Variants in MTHFSD observed in about 807,000 individuals in gnomAD.
The protein encoded by MTHFSD is methenyltetrahydrofolate synthase domain-containing protein.
In MTHFSD, 37 loss-of-function variants were observed where a neutral mutation model predicts 31.1. The observed-to-expected ratio is 1.19, with a 90% CI of 0.91 to 1.56. The LOEUF (loss-of-function observed/expected upper bound fraction) is 1.56, where lower values mean the gene tolerates loss of function less well. Ranked by LOEUF, MTHFSD falls within the 40% of genes most tolerant of loss-of-function variation. MTHFSD has a pLI of 0.00. For missense variants in MTHFSD, 664 were observed against 510.1 expected (o/e 1.30, Z -2.91); for synonymous variants, 221 against 206.9 (o/e 1.07, Z -0.59).
rs1428279307 is a variant in MTHFSD at position 86,531,240 on chromosome 16, G to C, written c.*771C>G. On this transcript the variant is annotated 3_prime_UTR_variant, in exon 8 of 8. Coordinates refer to ENST00000360900, the MANE Select transcript of MTHFSD (RefSeq NM_001159377.2). This position sits in a 1 kb window ranked among gnomAD's most constrained non-coding sequence, Gnocchi z 5.5. ...AAACTCAAGCTGGTTTTTAGAAACA[G>C]AACTGGAGGAAAAAAACCCAGAAAA... 6.6e-6 allele frequency: 1 copy of C among 152,222 alleles called. No homozygotes were observed. The highest frequency in any genetic ancestry group is 1.5e-5 in the Non-Finnish European group (1 of 68,034). The allele number at this position is 152,222 out of a possible 1,614,324, so 9.4% of individuals were successfully genotyped here. A position where few individuals can be genotyped will look rare whatever the true frequency, so the allele number is the denominator to read the frequency against.
intron 7 of MTHFSD, among the ~76,000 whole-genome samples, chr16:86,539,861 T>A (rs1474398442): frequency 6.6e-6 from 1 of 152,054 alleles, no homozygotes; most frequent in African/African-American, 2.4e-5. Context: ...CATCAAGAGA[T>A]CTATAATGCA....
chr16:86,539,343 T>C (rs1971156936), intron 7 of MTHFSD, among the ~76,000 whole-genome samples: 1 of 152,190 alleles, frequency 6.6e-6, no homozygotes, highest in Non-Finnish European at 1.5e-5. Context: ...CTAAGAATTC[T>C]GCCAGCAGCA....
chr16:86,538,815 T>G (rs1490794215), intron 7 of MTHFSD, among the ~76,000 whole-genome samples: 1 of 152,150 alleles, frequency 6.6e-6, no homozygotes, highest in African/African-American at 2.4e-5. Flanking sequence ...CAGGGAGTCC[T>G]GGGTTTTCAG....
At position 86,541,982 on chromosome 16, in the gene MTHFSD, G is replaced by C. The variant is rs1597347526; in HGVS notation, c.555+119C>G. On this transcript the variant is annotated intron_variant, in intron 6 of 7. Transcript: ENST00000360900. ...TGTACCACTAGCAAGTCCAGCCCTG[G>C]CTGATCCACACCACTCGCCACACAG... The C allele has an allele frequency of 3.0e-6, 4 of 1,336,616 alleles. No individual in the cohort carries two copies. In the East Asian group the frequency reaches 9.4e-5, roughly 31 times the overall value. The allele number at this position is 1,336,616 out of a possible 1,614,324, so 82.8% of individuals were successfully genotyped here.
At position 86,532,453 on chromosome 16, in the gene MTHFSD, G is replaced by C; in HGVS notation, c.710C>G (p.Pro237Arg). 1 of 1,446,220 alleles carries C rather than the reference G, an allele frequency of 6.9e-7. No individual in the cohort carries two copies. The highest frequency in any genetic ancestry group is 9.1e-7 in the Non-Finnish European group (1 of 1,096,854). The allele number at this position is 1,446,220 out of a possible 1,614,324, so 89.6% of individuals were successfully genotyped here. A position where few individuals can be genotyped will look rare whatever the true frequency, so the allele number is the denominator to read the frequency against. Residue 237 changes from proline (P) to arginine (R), a missense_variant, in exon 8 of 8, where the codon CCC becomes CGC. Coordinates refer to ENST00000360900, the MANE Select transcript of MTHFSD (RefSeq NM_001159377.2). ...TCGGGCGCGGAGGCTCCTCAGTATG[G>C]GGATTTTCTCCATCATCTCCAGGCT... Reference protein sequence around the residue: ...KISLEMMEKIPILRSLRAREQ... With the variant: ...KISLEMMEKIRILRSLRAREQ...
intron 5 of MTHFSD, among the ~76,000 whole-genome samples, chr16:86,545,142 G>C (rs143351462): frequency 3.9e-5 from 6 of 152,084 alleles, no homozygotes; most frequent in African/African-American, 1.4e-4. Flanking sequence ...GGTAGGTGCA[G>C]CAAATCACCA....
rs974538164 is a variant in MTHFSD at position 86,551,911 on chromosome 16, T to C, written c.237+122A>G. The C allele has an allele frequency of 8.6e-6, 13 of 1,506,878 alleles. No homozygotes were observed. The African/African-American group carries it at 1.3e-4, about 15-fold the overall frequency. The allele number at this position is 1,506,878 out of a possible 1,614,324, so 93.3% of individuals were successfully genotyped here. On this transcript the variant is annotated intron_variant, in intron 3 of 7. Coordinates refer to ENST00000360900, the MANE Select transcript of MTHFSD (RefSeq NM_001159377.2). Reference sequence around the variant, plus strand: ...TCACCACCAAGGGCACTTTCTGTATTGGAGGGAATCGGAAGCACCGACTTT... The same window carrying C: ...TCACCACCAAGGGCACTTTCTGTATCGGAGGGAATCGGAAGCACCGACTTT...
chr16:86,549,985 G>A (rs946792361), intron 3 of MTHFSD, among the ~76,000 whole-genome samples: 10 of 152,244 alleles, frequency 6.6e-5, no homozygotes, highest in East Asian at 5.8e-4. Flanking sequence ...CCAGCACTGC[G>A]GACTGTCCGG....
chr16:86,532,162 A>G lies in MTHFSD; in HGVS notation c.1001T>C (p.Leu334Pro). 5 of 1,569,374 alleles carry G rather than the reference A, an allele frequency of 3.2e-6. No individual in the cohort carries two copies. The highest frequency in any genetic ancestry group is 4.3e-6 in the Non-Finnish European group (5 of 1,157,320). ...CCGCGGGCCCTGCCAGGTGAGCCGCAGGGGCACGGAGCCGAGTTCCCGCAG... is the reference window on the plus strand; with the variant it reads ...CCGCGGGCCCTGCCAGGTGAGCCGCGGGGGCACGGAGCCGAGTTCCCGCAG... The part of the protein sequence containing the change: ...RALRELGSVP[L>P]RLTWQGPRRR... The change falls in exon 8 of 8, where the codon CTG (leucine) becomes CCG (proline). Residue 334 changes from leucine (L) to proline (P), a missense_variant. Coordinates refer to ENST00000360900, the MANE Select transcript of MTHFSD (RefSeq NM_001159377.2).
intron 3 of MTHFSD, among the ~76,000 whole-genome samples, chr16:86,549,559 G>T (rs953920710): frequency 1.2e-4 from 18 of 152,156 alleles, no homozygotes; most frequent in African/African-American, 4.3e-4. Context: ...GGGCAGTGTT[G>T]GAGTCCTGTG....
chr16:86,541,069 A>T (rs1224611038), intron 7 of MTHFSD: 1 of 1,245,492 alleles, frequency 8.0e-7, no homozygotes, highest in Non-Finnish European at 1.0e-6. Flanking sequence ...AGTTTTGTCC[A>T]CACGAAGCAC....
chr16:86,549,711 C>T lies in MTHFSD; in HGVS notation c.238-1134G>A, dbSNP rs1456741741. 2.0e-5 allele frequency among the ~76,000 whole-genome samples: 3 copies of T among 152,276 alleles called. No individual in the cohort carries two copies. In the East Asian group the frequency reaches 5.8e-4, roughly 29 times the overall value. On this transcript the variant is annotated intron_variant, in intron 3 of 7. Coordinates refer to ENST00000360900, the MANE Select transcript of MTHFSD (RefSeq NM_001159377.2). ...TAGACCTCACTCCAGAGACTGGAACCTGGCATGGCCAACAGTCTTCAAACC... is the reference window on the plus strand; with the variant it reads ...TAGACCTCACTCCAGAGACTGGAACTTGGCATGGCCAACAGTCTTCAAACC...
chr16:86,540,612 G>C (rs916281416), intron 7 of MTHFSD: 1 of 937,870 alleles, frequency 1.1e-6, no homozygotes, highest in African/African-American at 1.8e-5. Flanking sequence ...CCCTGTTCTC[G>C]GCTCTGAGGA....
intron 7 of MTHFSD, among the ~76,000 whole-genome samples, chr16:86,538,313 G>C (rs76535634): frequency 0.031 from 4,758 of 152,308 alleles, 108 homozygotes; most frequent in Middle Eastern, 0.075. Context: ...GCAGAACAGA[G>C]CTTCCAGGGT....
At chr16:86,550,199 G>A (rs960945799) in intron 3 of MTHFSD, among the ~76,000 whole-genome samples, 2 of 152,248 alleles carry the variant, frequency 1.3e-5, no homozygotes, top group Non-Finnish European at 2.9e-5. Flanking sequence ...GTCCCTTAAA[G>A]TTTCCAAAAA....
chr16:86,534,223 G>A (rs1327443828), intron 7 of MTHFSD, among the ~76,000 whole-genome samples: 6 of 152,154 alleles, frequency 3.9e-5, no homozygotes, highest in African/African-American at 1.4e-4. Flanking sequence ...CTGGGCCCTC[G>A]GCCATCCTTC....
intron 1 of MTHFSD, 151 bp downstream of exon 1, chr16:86,555,018 A>T: frequency 7.1e-7 from 1 of 1,416,956 alleles, no homozygotes; most frequent in Non-Finnish European, 9.3e-7. Context: ...GTTCGACCCG[A>T]ACCCAGCACA....
At position 86,530,210 on chromosome 16, in the gene MTHFSD, G is replaced by A. The variant is rs538608364; in HGVS notation, c.*1801C>T. ...ATACATGTGGGGGATTTTATTTCAGGCACTTGCTCTTCAGTTTTTCTTACA... is the reference window on the plus strand; with the variant it reads ...ATACATGTGGGGGATTTTATTTCAGACACTTGCTCTTCAGTTTTTCTTACA... On this transcript the variant is annotated 3_prime_UTR_variant, in exon 8 of 8. Transcript: ENST00000360900. 2 of 152,340 alleles carry A rather than the reference G, an allele frequency of 1.3e-5. No individual in the cohort carries two copies. Among genetic ancestry groups the A allele is most frequent in the South Asian group, 2.1e-4 (1 of 4,824 alleles). 9.4% of individuals were successfully genotyped at this position (152,340 alleles called of 1,614,324 possible). A position where few individuals can be genotyped will look rare whatever the true frequency, so the allele number is the denominator to read the frequency against.
chr16:86,552,595 T>C (rs995516805), intron 2 of MTHFSD, among the ~76,000 whole-genome samples: 4 of 152,208 alleles, frequency 2.6e-5, no homozygotes, highest in African/African-American at 9.6e-5. Context: ...TAGCATGACC[T>C]GGAAGCCCCC....
Sources: allele counts gnomAD v4.1 joint callset (sites outside exome capture counted in the v4.1 genomes callset), GRCh38; gene constraint gnomAD v4.1.1; non-coding constraint Gnocchi (gnomAD v3.1); transcripts MANE v1.5; gene names NCBI Gene and HGNC (gene_info 2026-07-23, HGNC 2026-07-21).